The following INPP4B variants were observed in gnomAD, a reference collection of about 807,000 sequenced individuals.
The protein encoded by INPP4B is inositol polyphosphate 4-phosphatase type II.
Under a neutral mutation model 122.5 loss-of-function variants are expected in INPP4B, and 55 were observed. That is an observed-to-expected ratio of 0.45 (90% CI 0.36 to 0.56). The LOEUF (loss-of-function observed/expected upper bound fraction) is 0.56. Ranked by LOEUF, INPP4B falls within the 20% of genes least tolerant of loss-of-function variation. The pLI is 0.00. For missense variants in INPP4B, 1,000 were observed against 1,097.7 expected (o/e 0.91, Z 1.26); for synonymous variants, 403 against 388.7 (o/e 1.04, Z -0.43).
intron 11 of INPP4B, among the ~76,000 whole-genome samples, chr4:142,242,255 A>G (rs912639912): frequency 3.3e-5 from 5 of 152,160 alleles, no homozygotes; most frequent in African/African-American, 1.2e-4. Flanking sequence ...CAAAAACACT[A>G]TCCTTAGCAT....
chr4:142,470,704 T>C (rs900658857), intron 2 of INPP4B, among the ~76,000 whole-genome samples: 21 of 152,222 alleles, frequency 1.4e-4, no homozygotes, highest in Non-Finnish European at 3.1e-4. Context: ...GTTGAATAAA[T>C]TAATGAGCTT....
At chr4:142,479,638 G>C (rs564170453) in intron 2 of INPP4B, among the ~76,000 whole-genome samples, 3 of 152,056 alleles carry the variant, frequency 2.0e-5, no homozygotes. Flanking sequence ...CTATAAAAAA[G>C]AATGAGATCA....
At chr4:142,634,089 T>A (rs1251661939) in intron 2 of INPP4B, among the ~76,000 whole-genome samples, 1 of 152,066 alleles carries the variant, frequency 6.6e-6, no homozygotes, top group Non-Finnish European at 1.5e-5. Flanking sequence ...AGAAACACTT[T>A]AATGCAGATA....
intron 1 of INPP4B, among the ~76,000 whole-genome samples, chr4:142,800,819 T>A (rs1777903980): frequency 6.6e-6 from 1 of 152,130 alleles, no homozygotes; most frequent in African/African-American, 2.4e-5. Context: ...TTCCATTAAG[T>A]GATTAAAGGT....
chr4:142,747,763 C>T lies in INPP4B; in HGVS notation c.-253-21862G>A, dbSNP rs184909326. Among the ~76,000 whole-genome samples the T allele has an allele frequency of 1.4e-3, 209 of 152,124 alleles. 1 individual carries two copies. Among genetic ancestry groups the T allele is most frequent in the Admixed American group, 2.6e-3 (40 of 15,264 alleles). ...GGAAACATCATTCTCAGCAAACTAA[C>T]ACAAAAACAGAAAACCAAACACTGC... On this transcript the variant is annotated intron_variant, in intron 1 of 25. Coordinates refer to ENST00000262992, the MANE Select transcript of INPP4B (RefSeq NM_001101669.3).
chr4:142,524,828 A>G (rs1423861138), intron 2 of INPP4B, among the ~76,000 whole-genome samples: 1 of 151,442 alleles, frequency 6.6e-6, no homozygotes, highest in Non-Finnish European at 1.5e-5. Flanking sequence ...AAACTGGCAC[A>G]AGACAGGGAT....
intron 11 of INPP4B, among the ~76,000 whole-genome samples, chr4:142,246,033 C>CGTGTGTGTATACACACATTATATAT (rs1728389188): frequency 3.1e-5 from 4 of 127,006 alleles, no homozygotes; most frequent in Non-Finnish European, 4.9e-5. Context: ...TGTACACACA[C>CGTGTGTGTATACACACATTATATAT]GTGTGTGTAT....
chr4:142,163,483 T>A (rs967927613), intron 16 of INPP4B, among the ~76,000 whole-genome samples: 5 of 151,872 alleles, frequency 3.3e-5, no homozygotes, highest in African/African-American at 1.2e-4. Flanking sequence ...TCTAATCACG[T>A]AGACATTGTA....
At chr4:142,817,357 G>A (rs1156955966) in intron 1 of INPP4B, among the ~76,000 whole-genome samples, 2 of 152,150 alleles carry the variant, frequency 1.3e-5, no homozygotes, top group African/African-American at 4.8e-5. Context: ...TATCTGATGA[G>A]TTTCCATCAG....
chr4:142,409,699 C>T (rs1270828410), intron 5 of INPP4B, among the ~76,000 whole-genome samples: 1 of 152,110 alleles, frequency 6.6e-6, no homozygotes, highest in African/African-American at 2.4e-5. Flanking sequence ...CCACTGTGTC[C>T]TTGATTTTAG....
chr4:142,173,701 T>C lies in INPP4B; in HGVS notation c.1290A>G (p.Leu430=), dbSNP rs901318958. 26 of 1,613,190 alleles carry C rather than the reference T, an allele frequency of 1.6e-5. No individual in the cohort carries two copies. Among genetic ancestry groups the C allele is most frequent in the African/African-American group, 9.4e-5 (7 of 74,860 alleles). ...AATGCTGGCTTGCAGAATTAAGCAG[T>C]AGGTCTGCATGGGTTGCTATAAGAG... ...LQPLIATHAD[L]LLNSASQHSP... is the part of the protein sequence containing the mutation. The change falls in exon 16 of 26, where the codon CTA becomes CTG. Residue 430 remains leucine, a synonymous_variant. Coordinates refer to ENST00000262992, the MANE Select transcript of INPP4B (RefSeq NM_001101669.3).
intron 23 of INPP4B, among the ~76,000 whole-genome samples, chr4:142,089,690 C>A (rs577630398): frequency 2.6e-5 from 4 of 151,714 alleles, no homozygotes; most frequent in East Asian, 3.9e-4. Context: ...TACACACACA[C>A]CCCTCTGTAA....
chr4:142,809,846 C>A (rs1395208869), intron 1 of INPP4B, among the ~76,000 whole-genome samples: 3 of 151,862 alleles, frequency 2.0e-5, no homozygotes, highest in Non-Finnish European at 4.4e-5. Context: ...AAAAAAAAAT[C>A]CACGGGATAT....
At chr4:142,029,236 C>T in intron 25 of INPP4B, 1 of 1,019,616 alleles carries the variant, frequency 9.8e-7, no homozygotes, top group Non-Finnish European at 1.2e-6. Flanking sequence ...ATAACATTTC[C>T]ACAAATTAAT....
At chr4:142,190,737 TGTGTGTGTGCGC>T (rs1835418923) in intron 15 of INPP4B, among the ~76,000 whole-genome samples, 1 of 145,434 alleles carries the variant, frequency 6.9e-6, no homozygotes, top group South Asian at 2.3e-4. Flanking sequence ...TGTGTGTGTG[TGTGTGTGTGCGC>T]GTGTGTGTTG....
intron 1 of INPP4B, among the ~76,000 whole-genome samples, chr4:142,743,602 T>C (rs1035236499): frequency 6.6e-6 from 1 of 151,988 alleles, no homozygotes; most frequent in Non-Finnish European, 1.5e-5. Context: ...ACCTCATTAA[T>C]GCAGTCTAAT....
intron 2 of INPP4B, among the ~76,000 whole-genome samples, chr4:142,550,827 TA>T (rs1727818660): frequency 6.6e-6 from 1 of 151,988 alleles, no homozygotes; most frequent in East Asian, 1.9e-4. Context: ...ATTATCTGGG[TA>T]ATTATCTGGC....
chr4:142,719,653 A>ACTTT (rs1764254984), intron 2 of INPP4B, among the ~76,000 whole-genome samples: 2 of 152,270 alleles, frequency 1.3e-5, no homozygotes, highest in South Asian at 4.1e-4. Flanking sequence ...TCTGAAAAAA[A>ACTTT]TGAGATACTT....
intron 7 of INPP4B, among the ~76,000 whole-genome samples, chr4:142,344,121 C>G (rs1210609982): frequency 6.6e-6 from 1 of 151,946 alleles, no homozygotes; most frequent in Non-Finnish European, 1.5e-5. Context: ...TAGTTTGAAT[C>G]CATTCATACC....
Sources: gnomAD v4.1 joint callset for allele counts (sites outside exome capture counted in the v4.1 genomes callset) on GRCh38, gnomAD v4.1.1 for gene constraint, MANE v1.5 for transcripts, NCBI Gene and HGNC (gene_info 2026-07-23, HGNC 2026-07-21) for gene names.